Variants in CHST9 observed in about 807,000 individuals in gnomAD.
CHST9 encodes GalNAc-4-sulfotransferase 2.
A neutral mutation model predicts 44.4 loss-of-function variants in CHST9; 41 were observed. That is an observed-to-expected ratio of 0.92 (90% CI 0.72 to 1.20). The LOEUF is 1.20. Ranked by LOEUF, CHST9 falls within the 50% of genes most tolerant of loss-of-function variation. The pLI is 0.00. For missense variants in CHST9, 504 were observed against 516.5 expected (o/e 0.98, Z 0.23); for synonymous variants, 171 against 178.4 (o/e 0.96, Z 0.33).
chr18:27,003,876 A>C (rs993083553), intron 4 of CHST9, among the ~76,000 whole-genome samples: 2 of 152,082 alleles, frequency 1.3e-5, no homozygotes, highest in Non-Finnish European at 2.9e-5. Flanking sequence ...TAATGTAAGA[A>C]TGTGTTATTT....
At chr18:27,143,959 TAAAATA>T (rs907907053) in intron 1 of CHST9, among the ~76,000 whole-genome samples, 1 of 151,804 alleles carries the variant, frequency 6.6e-6, no homozygotes, top group South Asian at 2.1e-4. Context: ...TAAAGTAAAA[TAAAATA>T]AAAATAAAAA....
At chr18:27,166,835 T>C (rs1016118253) in intron 1 of CHST9, among the ~76,000 whole-genome samples, 11 of 152,174 alleles carry the variant, frequency 7.2e-5, no homozygotes, top group African/African-American at 2.7e-4. Context: ...TTATTTAATA[T>C]AAGTTTTACG....
intron 1 of CHST9, among the ~76,000 whole-genome samples, chr18:27,155,567 A>C (rs1442650040): frequency 1.3e-5 from 2 of 152,206 alleles, no homozygotes; most frequent in Non-Finnish European, 2.9e-5. Flanking sequence ...GCTTTCTAGA[A>C]CAACTCATAA....
intron 2 of CHST9, among the ~76,000 whole-genome samples, chr18:27,135,031 G>A (rs2058502287): frequency 6.6e-6 from 1 of 152,114 alleles, no homozygotes; most frequent in Non-Finnish European, 1.5e-5. Context: ...TGCTAAGAGA[G>A]GAGATTTTAA....
intron 4 of CHST9, among the ~76,000 whole-genome samples, chr18:27,020,556 A>G (rs1337240174): frequency 2.6e-5 from 4 of 152,216 alleles, no homozygotes; most frequent in Non-Finnish European, 4.4e-5. Flanking sequence ...AATGTTATTC[A>G]TGGGAGATGT....
intron 2 of CHST9, among the ~76,000 whole-genome samples, chr18:27,053,218 G>GGAAGAAGAAGAAGAA (rs1198842599): frequency 0.047 from 1,521 of 32,318 alleles, 193 homozygotes; most frequent in Admixed American, 0.073. Flanking sequence ...AGGAGGAAGA[G>GGAAGAAGAAGAAGAA]GAAGAAGAAG....
chr18:26,942,791 A>G (rs2056103364), intron 5 of CHST9, among the ~76,000 whole-genome samples: 1 of 152,204 alleles, frequency 6.6e-6, no homozygotes, highest in Non-Finnish European at 1.5e-5. Flanking sequence ...ACTTGAGCAC[A>G]TACAAATAAT....
intron 2 of CHST9, among the ~76,000 whole-genome samples, chr18:27,103,131 C>T (rs1469532291): frequency 6.6e-6 from 1 of 152,140 alleles, no homozygotes; most frequent in Non-Finnish European, 1.5e-5. Flanking sequence ...TTCAACAGAC[C>T]TTAGAGACAC....
At chr18:26,972,132 G>A (rs1325580611) in intron 4 of CHST9, among the ~76,000 whole-genome samples, 2 of 151,836 alleles carry the variant, frequency 1.3e-5, no homozygotes, top group East Asian at 1.9e-4. Context: ...CGAGGCGGGC[G>A]GATCACTTGA....
chr18:26,968,115 A>ACTT (rs2056490547), intron 4 of CHST9, among the ~76,000 whole-genome samples: 1 of 152,100 alleles, frequency 6.6e-6, no homozygotes. Flanking sequence ...CTATTGTGGG[A>ACTT]CTTCACCTTG....
At chr18:26,966,748 T>C (rs1220454228) in intron 4 of CHST9, among the ~76,000 whole-genome samples, 1 of 152,158 alleles carries the variant, frequency 6.6e-6, no homozygotes, top group Admixed American at 6.5e-5. Flanking sequence ...CCCAAGTTGT[T>C]ATCAACTGAA....
rs1353086725 is a variant in CHST9 at position 26,915,086 on chromosome 18, T to G, written c.*1173A>C. 1.8e-5 allele frequency: 7 copies of G among 396,678 alleles called. No homozygotes were observed. The highest frequency in any genetic ancestry group is 3.1e-5 in the Non-Finnish European group (7 of 224,874). The allele number at this position is 396,678 out of a possible 1,614,324, so 24.6% of individuals were successfully genotyped here. On this transcript the variant is annotated 3_prime_UTR_variant, in exon 6 of 6. Coordinates refer to ENST00000618847, the MANE Select transcript of CHST9 (RefSeq NM_031422.6). ...GACCTATTTTTCTAAGGACTTTGAT[T>G]TAATATTTGAATGCAATGGTATCTG...
chr18:27,089,914 C>T (rs1030853978), intron 2 of CHST9, among the ~76,000 whole-genome samples: 6 of 151,708 alleles, frequency 4.0e-5, no homozygotes, highest in Admixed American at 1.3e-4. Flanking sequence ...AGGTTCACGC[C>T]GTTCTCCTGC....
Position 26,916,494 on chromosome 18 carries a change from A to G in CHST9, c.1097T>C (p.Phe366Ser). 2 of 1,613,832 alleles carry G rather than the reference A, an allele frequency of 1.2e-6. No individual in the cohort carries two copies. The highest frequency in any genetic ancestry group is 8.5e-7 in the Non-Finnish European group (1 of 1,179,768). ...LCYPCLINYD[F>S]VGKFETLEED... is the part of the protein sequence containing the mutation. ...TTCCAAAGTCTCAAATTTCCCTACAAAATCATAGTTGATCAAACACGGATA... is the reference window on the plus strand; with the variant it reads ...TTCCAAAGTCTCAAATTTCCCTACAGAATCATAGTTGATCAAACACGGATA... Residue 366 changes from phenylalanine to serine, a missense_variant, in exon 6 of 6, where the codon TTT (phenylalanine) becomes TCT (serine). Phe to Ser is a radical substitution (Grantham distance 155). Transcript: ENST00000618847.
Position 26,917,110 on chromosome 18 carries a change from T to C in CHST9, c.481A>G (p.Ser161Gly). The C allele has an allele frequency of 1.2e-6, 2 of 1,613,982 alleles. No individual in the cohort carries two copies. Among genetic ancestry groups the C allele is most frequent in the Non-Finnish European group, 1.7e-6 (2 of 1,179,884 alleles). ...WPVDIHPLNK[S>G]LVKDNKWKKT... ...TTCCATTTATTATCTTTGACTAAAC[T>C]TTTGTTTAAAGGGTGAATGTCCACT... Residue 161 changes from serine (S) to glycine (G), a missense_variant, in exon 6 of 6, where the codon AGT (serine) becomes GGT (glycine). Physicochemically the swap from Ser to Gly is moderately conservative, Grantham distance 56. Transcript: ENST00000618847.
intron 2 of CHST9, among the ~76,000 whole-genome samples, chr18:27,066,228 G>T (rs2057780910): frequency 6.6e-6 from 1 of 152,160 alleles, no homozygotes; most frequent in South Asian, 2.1e-4. Context: ...AGTTAACAAG[G>T]TAAAATAGCG....
intron 5 of CHST9, among the ~76,000 whole-genome samples, chr18:26,939,544 G>A (rs910322022): frequency 2.6e-5 from 4 of 152,206 alleles, no homozygotes; most frequent in African/African-American, 9.6e-5. Context: ...GTGGGGCCTA[G>A]AGCAAGAGCA....
intron 2 of CHST9, among the ~76,000 whole-genome samples, chr18:27,094,340 G>T (rs905562068): frequency 7.2e-5 from 11 of 152,120 alleles, no homozygotes; most frequent in Admixed American, 5.2e-4. Flanking sequence ...TTTGTTTATT[G>T]TTGGTGTTTT....
At chr18:26,969,374 C>G (rs59930528) in intron 4 of CHST9, among the ~76,000 whole-genome samples, 41,931 of 148,160 alleles carry the variant, frequency 0.28, 6,863 homozygotes, top group African/African-American at 0.47. Flanking sequence ...CTCTCTCTCT[C>G]TCTGTGTGTG....
Sources: gnomAD v4.1 joint callset for allele counts (sites outside exome capture counted in the v4.1 genomes callset) on GRCh38, gnomAD v4.1.1 for gene constraint, MANE v1.5 for transcripts, NCBI Gene and HGNC (gene_info 2026-07-23, HGNC 2026-07-21) for gene names.